GRIK2: variants seen among roughly 807,000 people sequenced by gnomAD.
The protein encoded by GRIK2 is glutamate receptor ionotropic, kainate 2.
A neutral mutation model predicts 100.3 loss-of-function variants in GRIK2; 32 were observed. The observed-to-expected ratio is 0.32, with a 90% CI of 0.24 to 0.43. GRIK2 has a LOEUF of 0.43. Among genes scored for constraint, GRIK2 ranks in the 20% least tolerant of loss-of-function variants. The probability of loss-of-function intolerance (pLI) is 1.00; values close to 1 mark genes in which losing one functional copy is unlikely to be tolerated. For missense variants in GRIK2, 843 were observed against 1,114.9 expected, an observed-to-expected ratio of 0.76 and a Z score of 3.47; for synonymous variants, 417 against 389.4, an observed-to-expected ratio of 1.07 and a Z score of -0.83.
chr6:101,867,867 A>G (rs1407373497), intron 11 of GRIK2, among the ~76,000 whole-genome samples: 1 of 151,566 alleles, frequency 6.6e-6, no homozygotes, highest in Non-Finnish European at 1.5e-5. Context: ...ATTAATTGCA[A>G]AATTATAGCA....
chr6:102,029,349 T>C (rs1769866249), intron 14 of GRIK2, among the ~76,000 whole-genome samples: 1 of 151,322 alleles, frequency 6.6e-6, no homozygotes, highest in Non-Finnish European at 1.5e-5. Context: ...TTTCCACGTA[T>C]AATCTTTAGT....
chr6:101,587,897 A>G (rs1778454572), intron 2 of GRIK2, among the ~76,000 whole-genome samples: 2 of 152,136 alleles, frequency 1.3e-5, no homozygotes, highest in African/African-American at 2.4e-5. Context: ...AGAAATTGAA[A>G]CTAGGTGGAA....
chr6:101,754,890 C>A (rs368403675), intron 7 of GRIK2, among the ~76,000 whole-genome samples: 1 of 152,050 alleles, frequency 6.6e-6, no homozygotes, highest in Non-Finnish European at 1.5e-5. Context: ...TAAGGGATAG[C>A]GGAATGTAAA....
chr6:101,537,741 T>G (rs1166474552), intron 2 of GRIK2, among the ~76,000 whole-genome samples: 3 of 151,786 alleles, frequency 2.0e-5, no homozygotes, highest in African/African-American at 7.3e-5. Flanking sequence ...TACAAATCAT[T>G]AATGATGCAG....
chr6:101,633,891 T>C (rs567821789), intron 4 of GRIK2, among the ~76,000 whole-genome samples: 1 of 152,176 alleles, frequency 6.6e-6, no homozygotes, highest in East Asian at 1.9e-4. Context: ...ACATAGCACA[T>C]AAGTGATAGA....
chr6:101,693,285 C>G (rs565101394), intron 7 of GRIK2, among the ~76,000 whole-genome samples: 5 of 151,900 alleles, frequency 3.3e-5, no homozygotes, highest in Non-Finnish European at 5.9e-5. Flanking sequence ...AAGGGTAAAT[C>G]AAGAGAGATT....
chr6:101,407,210 A>C (rs1562115571), intron 2 of GRIK2, among the ~76,000 whole-genome samples: 1 of 152,034 alleles, frequency 6.6e-6, no homozygotes, highest in Non-Finnish European at 1.5e-5. Context: ...ATTTTAGTAC[A>C]TTCGGGTCCT....
chr6:101,949,242 T>C (rs911879456), intron 14 of GRIK2, among the ~76,000 whole-genome samples: 45 of 152,148 alleles, frequency 3.0e-4, no homozygotes, highest in African/African-American at 1.0e-3. Flanking sequence ...TTTGCCTCCA[T>C]AGGATTTTTA....
chr6:101,757,332 T>G (rs995659547), intron 7 of GRIK2, among the ~76,000 whole-genome samples: 1 of 152,160 alleles, frequency 6.6e-6, no homozygotes, highest in African/African-American at 2.4e-5. Context: ...ATTTAAAAGT[T>G]CAGTTCTTCA....
At chr6:101,508,450 A>G (rs965703933) in intron 2 of GRIK2, among the ~76,000 whole-genome samples, 24 of 132,412 alleles carry the variant, frequency 1.8e-4, no homozygotes, top group Non-Finnish European at 3.4e-4. Context: ...ATTATTAGAA[A>G]ATGTGATAAA....
chr6:102,050,768 G>A (rs1372597275), intron 15 of GRIK2, among the ~76,000 whole-genome samples: 1 of 151,104 alleles, frequency 6.6e-6, no homozygotes, highest in East Asian at 2.0e-4. Flanking sequence ...GAAAAAAGGA[G>A]AAAAGGAGGG....
chr6:101,465,863 A>C (rs889528398), intron 2 of GRIK2, among the ~76,000 whole-genome samples: 10 of 152,220 alleles, frequency 6.6e-5, no homozygotes, highest in African/African-American at 2.4e-4. Flanking sequence ...AATTATCTTT[A>C]ATTTGGAGAA....
At chr6:101,794,016 G>C (rs373368236) in intron 7 of GRIK2, among the ~76,000 whole-genome samples, 3 of 152,298 alleles carry the variant, frequency 2.0e-5, no homozygotes, top group East Asian at 1.9e-4. Context: ...CTCCGAGCCA[G>C]GTGCAGGATA....
chr6:101,538,014 C>G (rs374531026), intron 2 of GRIK2, among the ~76,000 whole-genome samples: 12 of 151,802 alleles, frequency 7.9e-5, no homozygotes, highest in Middle Eastern at 3.4e-3. Flanking sequence ...CTACTTATTG[C>G]CATAGAAACA....
chr6:101,475,744 C>G (rs538784790), intron 2 of GRIK2, among the ~76,000 whole-genome samples: 1 of 151,928 alleles, frequency 6.6e-6, no homozygotes, highest in South Asian at 2.1e-4. Flanking sequence ...GTCTTAATGA[C>G]ATAAAGTTTA....
At chr6:101,505,092 TAA>T (rs774465204) in intron 2 of GRIK2, among the ~76,000 whole-genome samples, 1 of 151,974 alleles carries the variant, frequency 6.6e-6, no homozygotes, top group Non-Finnish European at 1.5e-5. Context: ...TACTTGTCAT[TAA>T]GTTTAAAAAT....
At chr6:101,514,956 G>GT (rs1050515906) in intron 2 of GRIK2, among the ~76,000 whole-genome samples, 8 of 152,040 alleles carry the variant, frequency 5.3e-5, no homozygotes, top group African/African-American at 1.7e-4. Context: ...ACATGAGTAA[G>GT]TTTTTTATTG....
At chr6:101,528,475 T>G (rs1463823325) in intron 2 of GRIK2, among the ~76,000 whole-genome samples, 1 of 152,132 alleles carries the variant, frequency 6.6e-6, no homozygotes, top group African/African-American at 2.4e-5. Context: ...TTTTTTTTGT[T>G]CAGACTTTTT....
At chr6:101,756,095 G>A (rs1262731318) in intron 7 of GRIK2, among the ~76,000 whole-genome samples, 2 of 152,272 alleles carry the variant, frequency 1.3e-5, no homozygotes, top group East Asian at 1.9e-4. Context: ...AACATCTGAA[G>A]CCAACATGAT....
Sources: gnomAD v4.1 joint callset for allele counts (sites outside exome capture counted in the v4.1 genomes callset) on GRCh38, gnomAD v4.1.1 for gene constraint, MANE v1.5 for transcripts, NCBI Gene and HGNC (gene_info 2026-07-23, HGNC 2026-07-21) for gene names.